The following KIAA1328 variants were observed in gnomAD, a reference collection of about 807,000 sequenced individuals.
The protein encoded by KIAA1328 is protein hinderin.
Under a neutral mutation model 68.1 loss-of-function variants are expected in KIAA1328, and 52 were observed. The ratio of observed to expected loss-of-function variants is 0.76; its 90% confidence interval spans 0.61 to 0.96. The LOEUF is 0.96. Ranked by LOEUF, KIAA1328 falls within the 40% of genes least tolerant of loss-of-function variation. The probability of loss-of-function intolerance (pLI) is 0.00; values close to 1 mark genes in which losing one functional copy is unlikely to be tolerated. For missense variants in KIAA1328, 641 were observed against 677.6 expected, an observed-to-expected ratio of 0.95 and a Z score of 0.60; for synonymous variants, 232 against 239.4, an observed-to-expected ratio of 0.97 and a Z score of 0.28.
At position 37,113,848 on chromosome 18, in the gene KIAA1328, G is replaced by A. The variant is rs1055221226; in HGVS notation, c.1232+46303G>A. Reference sequence around the variant, plus strand: ...GCAAATGGAAAACAAAAAAAAGCAGGTGTTGCAATCCTAGTCTCTGATAAA... The same window carrying A: ...GCAAATGGAAAACAAAAAAAAGCAGATGTTGCAATCCTAGTCTCTGATAAA... On this transcript the variant is annotated intron_variant, in intron 7 of 9. Transcript: ENST00000280020. 2.2e-4 allele frequency among the ~76,000 whole-genome samples: 34 copies of A among 152,208 alleles called. No homozygotes were observed. In the East Asian group the frequency reaches 6.4e-3, roughly 29 times the overall value.
At chr18:36,986,548 A>T (rs1421015164) in intron 6 of KIAA1328, among the ~76,000 whole-genome samples, 2 of 107,564 alleles carry the variant, frequency 1.9e-5, no homozygotes, top group African/African-American at 7.0e-5. Flanking sequence ...TGAACAGGCA[A>T]CCTACAACAT....
chr18:37,060,183 T>C (rs1206115023), intron 6 of KIAA1328, among the ~76,000 whole-genome samples: 2 of 152,092 alleles, frequency 1.3e-5, no homozygotes, highest in Non-Finnish European at 2.9e-5. Context: ...AAATAGCCTA[T>C]GTGATGACAG....
At chr18:37,094,400 A>G (rs1421454766) in intron 7 of KIAA1328, among the ~76,000 whole-genome samples, 2 of 152,222 alleles carry the variant, frequency 1.3e-5, no homozygotes, top group African/African-American at 4.8e-5. Flanking sequence ...ATAGCCAGCA[A>G]AGTTATCCTT....
At chr18:36,984,503 T>C (rs1391029585) in intron 6 of KIAA1328, among the ~76,000 whole-genome samples, 1 of 152,038 alleles carries the variant, frequency 6.6e-6, no homozygotes, top group Non-Finnish European at 1.5e-5. Flanking sequence ...ACAATACCAT[T>C]TACAAAACAC....
At chr18:36,912,635 C>T (rs1025313238) in intron 5 of KIAA1328, among the ~76,000 whole-genome samples, 10 of 152,166 alleles carry the variant, frequency 6.6e-5, no homozygotes, top group South Asian at 2.1e-4. Flanking sequence ...GTCTGTTCTA[C>T]ATGCAAAATA....
At chr18:37,198,862 A>C (rs758165929) in intron 9 of KIAA1328, among the ~76,000 whole-genome samples, 1 of 152,242 alleles carries the variant, frequency 6.6e-6, no homozygotes, top group African/African-American at 2.4e-5. Context: ...AGCTGATTCA[A>C]GAAATTTAGT....
intron 9 of KIAA1328, among the ~76,000 whole-genome samples, chr18:37,195,471 T>A (rs1308246775): frequency 6.6e-6 from 1 of 152,208 alleles, no homozygotes; most frequent in East Asian, 1.9e-4. Flanking sequence ...GTATTTAATC[T>A]ATTTTGAGTT....
At chr18:36,989,626 C>T (rs1279282910) in intron 6 of KIAA1328, among the ~76,000 whole-genome samples, 1 of 152,156 alleles carries the variant, frequency 6.6e-6, no homozygotes, top group African/African-American at 2.4e-5. Flanking sequence ...GTCGTGTGCC[C>T]ATGAGCCAAG....
intron 5 of KIAA1328, among the ~76,000 whole-genome samples, chr18:36,943,847 C>T (rs2151195160): frequency 6.6e-6 from 1 of 152,236 alleles, no homozygotes; most frequent in African/African-American, 2.4e-5. Context: ...AAAGAGTAAT[C>T]AAATCAGGAA....
chr18:36,917,757 A>G (rs567741248), intron 5 of KIAA1328, among the ~76,000 whole-genome samples: 1 of 152,244 alleles, frequency 6.6e-6, no homozygotes, highest in South Asian at 2.1e-4. Context: ...TCCATCTGAC[A>G]TTGTCATCCT....
rs138137583 is a variant in KIAA1328 at position 36,890,631 on chromosome 18, A to C, written c.448+4959A>C. ...GGTTGCAGAGAGCCGAGATTGTGCC[A>C]CTGCATTCCAGCATAGGTGACAAAG... On this transcript the variant is annotated intron_variant, in intron 5 of 9. Coordinates refer to ENST00000280020, the MANE Select transcript of KIAA1328 (RefSeq NM_020776.3). Among the ~76,000 whole-genome samples, 142 of 152,294 alleles carry C rather than the reference A, an allele frequency of 9.3e-4. 2 individuals are homozygous for C. In the East Asian group the frequency reaches 0.016, roughly 17 times the overall value.
chr18:37,025,946 G>C (rs1251495545), intron 6 of KIAA1328, among the ~76,000 whole-genome samples: 1 of 151,988 alleles, frequency 6.6e-6, no homozygotes, highest in African/African-American at 2.4e-5. Flanking sequence ...CTGGTTTTTT[G>C]AAACAGTCAA....
intron 1 of KIAA1328, among the ~76,000 whole-genome samples, chr18:36,832,218 T>C (rs1321567127): frequency 1.3e-5 from 2 of 152,188 alleles, no homozygotes; most frequent in Non-Finnish European, 1.5e-5. Flanking sequence ...AATATTGTTA[T>C]TAAAAATATT....
At chr18:37,099,381 G>A (rs151184813) in intron 7 of KIAA1328, among the ~76,000 whole-genome samples, 136 of 152,274 alleles carry the variant, frequency 8.9e-4, no homozygotes, top group African/African-American at 2.5e-3. Context: ...GTAGTTGAGC[G>A]GTTTTGAATG....
intron 7 of KIAA1328, among the ~76,000 whole-genome samples, chr18:37,147,975 A>ATATTTT (rs1321337561): frequency 2.2e-4 from 34 of 151,792 alleles, no homozygotes; most frequent in African/African-American, 5.1e-4. Context: ...TTTTTTCTTT[A>ATATTTT]TATTTTTATT....
chr18:37,210,471 A>G (rs2060295713), intron 9 of KIAA1328, among the ~76,000 whole-genome samples: 2 of 152,300 alleles, frequency 1.3e-5, no homozygotes, highest in Admixed American at 6.5e-5. Context: ...GGCTCTGTGA[A>G]GTACAGAGGT....
intron 8 of KIAA1328, among the ~76,000 whole-genome samples, chr18:37,168,948 G>GA (rs57319316): frequency 6.7e-5 from 10 of 150,370 alleles, no homozygotes; most frequent in African/African-American, 2.0e-4. Flanking sequence ...TGAACTCTAA[G>GA]AAAAAAAAAT....
At chr18:37,211,932 T>C (rs1285484395) in intron 9 of KIAA1328, among the ~76,000 whole-genome samples, 1 of 152,248 alleles carries the variant, frequency 6.6e-6, no homozygotes, top group East Asian at 1.9e-4. Context: ...ATTTTGGCTC[T>C]ATTTTTTAAT....
At chr18:36,953,950 A>C (rs934127618) in intron 5 of KIAA1328, among the ~76,000 whole-genome samples, 4 of 150,758 alleles carry the variant, frequency 2.7e-5, no homozygotes, top group African/African-American at 9.7e-5. Context: ...GTTCAGGCCA[A>C]GTGCTTTGCA....
Sources: allele counts gnomAD v4.1 joint callset (sites outside exome capture counted in the v4.1 genomes callset), GRCh38; gene constraint gnomAD v4.1.1; transcripts MANE v1.5; gene names NCBI Gene and HGNC (gene_info 2026-07-23, HGNC 2026-07-21).